The following NT5DC1 variants were observed in gnomAD, a reference collection of about 807,000 sequenced individuals.
NT5DC1 encodes the protein 5'-nucleotidase domain-containing protein 1.
A neutral mutation model predicts 59.4 loss-of-function variants in NT5DC1; 42 were observed. The observed-to-expected ratio is 0.71, with a 90% CI of 0.55 to 0.92. The LOEUF (loss-of-function observed/expected upper bound fraction) is 0.92, where lower values mean the gene tolerates loss of function less well. NT5DC1 is among the 40% of genes least tolerant of loss of function. The probability of loss-of-function intolerance (pLI) is 0.00; values close to 1 mark genes in which losing one functional copy is unlikely to be tolerated. For synonymous variants in NT5DC1, 172 were observed against 188.1 expected (o/e 0.91, Z 0.70); for missense variants, 501 against 537.1 (o/e 0.93, Z 0.66).
At chr6:116,101,073 T>G in intron 1 of NT5DC1, 50 bp downstream of exon 1, 1 of 1,382,876 alleles carries the variant, frequency 7.2e-7, no homozygotes, top group East Asian at 2.6e-5. Context: ...CCATGGCGGC[T>G]GGGGCTTGAG....
chr6:116,151,413 A>G (rs1036816250), intron 6 of NT5DC1, among the ~76,000 whole-genome samples: 1 of 152,214 alleles, frequency 6.6e-6, no homozygotes, highest in Non-Finnish European at 1.5e-5. Flanking sequence ...TTTTTGGTTT[A>G]TACCCTCTAA....
At chr6:116,173,400 G>A (rs76188169) in intron 6 of NT5DC1, among the ~76,000 whole-genome samples, 4,753 of 152,258 alleles carry the variant, frequency 0.031, 266 homozygotes, top group African/African-American at 0.11. Context: ...AAACACTGAC[G>A]GTTCCTTCCA....
intron 6 of NT5DC1, among the ~76,000 whole-genome samples, chr6:116,219,973 AAAAAAAAAAAAC>A (rs1207082679): frequency 1.3e-5 from 2 of 149,330 alleles, no homozygotes; most frequent in African/African-American, 5.0e-5. Flanking sequence ...AAAAAAAAAA[AAAAAAAAAAAAC>A]AACTCTTCTT....
intron 6 of NT5DC1, among the ~76,000 whole-genome samples, chr6:116,157,732 A>G (rs1780231848): frequency 6.6e-6 from 1 of 152,192 alleles, no homozygotes; most frequent in African/African-American, 2.4e-5. Context: ...TGAAATGGTG[A>G]GAGTGGGTGG....
intron 6 of NT5DC1, chr6:116,125,325 AC>A: frequency 1.9e-6 from 3 of 1,612,726 alleles, no homozygotes; most frequent in Non-Finnish European, 1.7e-6. Flanking sequence ...AACAAAATAT[AC>A]AATTCAATTT....
At chr6:116,132,224 C>T (rs1779485956) in intron 6 of NT5DC1, among the ~76,000 whole-genome samples, 1 of 152,112 alleles carries the variant, frequency 6.6e-6, no homozygotes, top group Non-Finnish European at 1.5e-5. Flanking sequence ...GCATCACCAA[C>T]AGGATATGTT....
At chr6:116,141,004 T>C (rs980375403) in intron 6 of NT5DC1, among the ~76,000 whole-genome samples, 1 of 152,186 alleles carries the variant, frequency 6.6e-6, no homozygotes, top group Admixed American at 6.5e-5. Flanking sequence ...TATGTATATT[T>C]TTCTGCTTCA....
chr6:116,248,226 T>C lies in NT5DC1; in HGVS notation c.*4202T>C, dbSNP rs1211690536. 6.6e-6 allele frequency: 1 copy of C among 152,256 alleles called. No individual in the cohort carries two copies. Among genetic ancestry groups the C allele is most frequent in the Non-Finnish European group, 1.5e-5 (1 of 68,048 alleles). 9.4% of individuals were successfully genotyped at this position (152,256 alleles called of 1,614,324 possible). On this transcript the variant is annotated 3_prime_UTR_variant, in exon 12 of 12. Coordinates refer to ENST00000319550, the MANE Select transcript of NT5DC1 (RefSeq NM_152729.3). ...GTGAGACTTGCATCTTAGGCAGTTC[T>C]ACTTTCTGGACCTCTGTTTTCTCAA...
At chr6:116,149,473 C>A (rs1195688033) in intron 6 of NT5DC1, among the ~76,000 whole-genome samples, 1 of 152,152 alleles carries the variant, frequency 6.6e-6, no homozygotes, top group Non-Finnish European at 1.5e-5. Context: ...CTAACCTATT[C>A]AAAGGCTACT....
chr6:116,204,040 G>T (rs890328916), intron 6 of NT5DC1, among the ~76,000 whole-genome samples: 1 of 151,782 alleles, frequency 6.6e-6, no homozygotes, highest in African/African-American at 2.4e-5. Flanking sequence ...ACCCTCGAAG[G>T]CTGTGGCCTC....
At chr6:116,221,317 CA>C (rs1781800320) in intron 7 of NT5DC1, 89 bp downstream of exon 7, 1 of 760,956 alleles carries the variant, frequency 1.3e-6, no homozygotes, top group Admixed American at 2.4e-5. Flanking sequence ...CAGCCATGAC[CA>C]TATCATTATT....
chr6:116,135,423 T>G (rs1056001954), intron 6 of NT5DC1, among the ~76,000 whole-genome samples: 6 of 151,776 alleles, frequency 4.0e-5, no homozygotes, highest in African/African-American at 1.5e-4. Flanking sequence ...CCCCCCCACC[T>G]TTTTATTTAA....
In NT5DC1 at chr6:116,103,737, TC is replaced by T. The variant is rs573741451; in HGVS notation, c.94-2502del. On this transcript the variant is annotated intron_variant, in intron 1 of 11. Transcript: ENST00000319550. ...TTGTGCAAACACAGAACTGAGTGTG[TC>T]CCCCTCACATGAGGCCTCAGGAAAG... is the stretch of plus-strand genomic sequence containing the variant. Among the ~76,000 whole-genome samples the T allele has an allele frequency of 2.8e-4, 43 of 151,936 alleles. 1 individual carries two copies. In the South Asian group the frequency reaches 8.5e-3, roughly 30 times the overall value.
chr6:116,226,109 A>G (rs61068849), intron 8 of NT5DC1, among the ~76,000 whole-genome samples: 9,905 of 152,280 alleles, frequency 0.065, 404 homozygotes, highest in African/African-American at 0.11. Flanking sequence ...AGTCTTATAT[A>G]ATAAAATCCT....
chr6:116,170,057 G>A (rs989876991), intron 6 of NT5DC1, among the ~76,000 whole-genome samples: 11 of 152,170 alleles, frequency 7.2e-5, no homozygotes, highest in African/African-American at 1.4e-4. Context: ...AGCCATAAGC[G>A]ACATTGTCCA....
chr6:116,166,972 G>T (rs1037373239), intron 6 of NT5DC1, among the ~76,000 whole-genome samples: 1 of 151,972 alleles, frequency 6.6e-6, no homozygotes, highest in African/African-American at 2.4e-5. Flanking sequence ...TTGTTTTGGG[G>T]AGCCTACTCT....
At chr6:116,143,692 A>G (rs1294984357) in intron 6 of NT5DC1, among the ~76,000 whole-genome samples, 2 of 152,010 alleles carry the variant, frequency 1.3e-5, no homozygotes, top group African/African-American at 4.8e-5. Flanking sequence ...TTTGTTTTGC[A>G]TTTTGGGTGT....
intron 6 of NT5DC1, among the ~76,000 whole-genome samples, chr6:116,122,332 G>A (rs1043425425): frequency 6.6e-6 from 1 of 152,268 alleles, no homozygotes; most frequent in South Asian, 2.1e-4. Context: ...GTGAGAAAAT[G>A]TTTAAGAACT....
intron 8 of NT5DC1, among the ~76,000 whole-genome samples, chr6:116,232,777 TA>T (rs1302638065): frequency 1.3e-5 from 2 of 152,226 alleles, no homozygotes; most frequent in African/African-American, 2.4e-5. Flanking sequence ...TACTGTTTTT[TA>T]AACTCGTCTT....
Sources: allele counts gnomAD v4.1 joint callset (sites outside exome capture counted in the v4.1 genomes callset), GRCh38; gene constraint gnomAD v4.1.1; transcripts MANE v1.5; gene names NCBI Gene and HGNC (gene_info 2026-07-23, HGNC 2026-07-21).